The following NUTF2 variants were observed in gnomAD, a reference collection of about 807,000 sequenced individuals.
NUTF2 encodes the protein placental protein 15.
Under a neutral mutation model 18.5 loss-of-function variants are expected in NUTF2, and 3 were observed. The observed-to-expected ratio is 0.16, with a 90% CI of 0.07 to 0.42. The LOEUF (loss-of-function observed/expected upper bound fraction) is 0.42, where lower values mean the gene tolerates loss of function less well. Ranked by LOEUF, NUTF2 falls within the 10% of genes least tolerant of loss-of-function variation. The pLI, the probability that NUTF2 is intolerant of heterozygous loss-of-function variation, is 0.99. For missense variants in NUTF2, 44 were observed against 160.7 expected, an observed-to-expected ratio of 0.27 and a Z score of 3.93; for synonymous variants, 51 against 57.9, an observed-to-expected ratio of 0.88 and a Z score of 0.54.
intron 1 of NUTF2, among the ~76,000 whole-genome samples, chr16:67,854,382 C>A (rs180771501): frequency 1.3e-5 from 2 of 152,334 alleles, no homozygotes; most frequent in African/African-American, 2.4e-5. Flanking sequence ...GGCATCTTCC[C>A]AGGCACCAGA....
chr16:67,855,893 G>C (rs563956352), intron 1 of NUTF2: 99 of 447,480 alleles, frequency 2.2e-4, no homozygotes, highest in Middle Eastern at 7.1e-4. Context: ...TTGGCGGGGG[G>C]GGGGGATGGG....
intron 1 of NUTF2, among the ~76,000 whole-genome samples, chr16:67,857,670 G>C (rs188421488): frequency 6.6e-6 from 1 of 152,316 alleles, no homozygotes; most frequent in Admixed American, 6.5e-5. Flanking sequence ...GAGTCAAAGG[G>C]TCAAATAACA....
chr16:67,859,794 C>A lies in NUTF2; in HGVS notation c.-29-5308C>A, dbSNP rs1435744885. Among the ~76,000 whole-genome samples the A allele has an allele frequency of 4.2e-5, 5 of 120,028 alleles. No individual in the cohort carries two copies. The South Asian group carries it at 1.1e-3, about 26-fold the overall frequency. The allele number at this position is 120,028 out of a possible 152,430, so 78.7% of individuals were successfully genotyped here. The stretch of plus-strand genomic sequence containing the variant: ...TACAGGCGTGAGCCACTGCGCCAGG[C>A]CTTTTTTTTTTTTTTTTTTTTTTTT... On this transcript the variant is annotated intron_variant, in intron 1 of 4. Coordinates refer to ENST00000219169, the MANE Select transcript of NUTF2 (RefSeq NM_005796.3).
chr16:67,855,260 T>C (rs933019221), intron 1 of NUTF2, among the ~76,000 whole-genome samples: 4 of 152,210 alleles, frequency 2.6e-5, no homozygotes, highest in Non-Finnish European at 1.5e-5. Context: ...AGCTGGAGTG[T>C]GCCCTCCTGG....
chr16:67,849,935 G>A (rs551476475), intron 1 of NUTF2, among the ~76,000 whole-genome samples: 8 of 152,136 alleles, frequency 5.3e-5, no homozygotes, highest in Non-Finnish European at 1.2e-4. Flanking sequence ...CGGGATTCCA[G>A]GCGTGAGCCA....
chr16:67,868,167 G>A (rs2271293), intron 2 of NUTF2, among the ~76,000 whole-genome samples, 173 bp from the exon 3 acceptor site: 16,923 of 152,150 alleles, frequency 0.11, 1,069 homozygotes, highest in South Asian at 0.18. Flanking sequence ...CAATGGGGTA[G>A]AAGATGTTGA....
In NUTF2 at chr16:67,864,449, C is replaced by A. The variant is rs570044031; in HGVS notation, c.-29-653C>A. Among the ~76,000 whole-genome samples the A allele has an allele frequency of 2.1e-5, 3 of 144,438 alleles. No individual in the cohort carries two copies. The East Asian group carries it at 6.1e-4, about 29-fold the overall frequency. 94.8% of individuals were successfully genotyped at this position (144,438 alleles called of 152,430 possible). A position where few individuals can be genotyped will look rare whatever the true frequency, so the allele number is the denominator to read the frequency against. On this transcript the variant is annotated intron_variant, in intron 1 of 4. Coordinates refer to ENST00000219169, the MANE Select transcript of NUTF2 (RefSeq NM_005796.3). The stretch of plus-strand genomic sequence containing the variant: ...ACTTGAGCCCAGGGAGCGGAGGTTG[C>A]AGTGAGCCAAGATCACGCCATTGCA...
intron 2 of NUTF2, 91 bp from the exon 3 acceptor site, chr16:67,868,249 C>G: frequency 1.7e-6 from 2 of 1,183,456 alleles, no homozygotes; most frequent in Non-Finnish European, 2.4e-6. Context: ...CCACACTTCT[C>G]CAAGCAAGGC....
At chr16:67,854,990 A>T (rs541788615) in intron 1 of NUTF2, among the ~76,000 whole-genome samples, 17 of 151,310 alleles carry the variant, frequency 1.1e-4, no homozygotes, top group African/African-American at 3.6e-4. Context: ...GTTGAGCCGA[A>T]CCTTGTGCTG....
chr16:67,862,879 C>T (rs1351284577), intron 1 of NUTF2, among the ~76,000 whole-genome samples: 2 of 152,120 alleles, frequency 1.3e-5, no homozygotes, highest in Non-Finnish European at 2.9e-5. Context: ...GTTGGCATAC[C>T]CTTTCTGAGG....
chr16:67,859,222 C>G (rs2057918138), intron 1 of NUTF2, among the ~76,000 whole-genome samples: 1 of 152,090 alleles, frequency 6.6e-6, no homozygotes, highest in African/African-American at 2.4e-5. Context: ...CTCTGTTGCC[C>G]AGGCTGGAGT....
rs375217259 is a variant in NUTF2, at chr16:67,870,795, C to T, written c.271-5C>T. On this transcript the variant is annotated splice_polypyrimidine_tract_variant and splice_region_variant and intron_variant, in intron 4 of 4. Coordinates refer to ENST00000219169, the MANE Select transcript of NUTF2 (RefSeq NM_005796.3). Reference sequence around the variant, plus strand: ...CTTACTGAATCCTCTTTTCTCTCCTCATAGGCGGATGAAGACCCCATCATG... The same window carrying T: ...CTTACTGAATCCTCTTTTCTCTCCTTATAGGCGGATGAAGACCCCATCATG... 1.9e-6 allele frequency: 3 copies of T among 1,606,736 alleles called. No homozygotes were observed. The highest frequency in any genetic ancestry group is 1.3e-5 in the African/African-American group (1 of 74,872).
intron 2 of NUTF2, 31 bp from the exon 3 acceptor site, chr16:67,868,309 C>T: frequency 6.2e-7 from 1 of 1,609,024 alleles, no homozygotes; most frequent in South Asian, 1.1e-5. Context: ...CTCTGAGGCC[C>T]CAACCCTGGG....
intron 1 of NUTF2, among the ~76,000 whole-genome samples, chr16:67,853,629 C>A (rs13331205): frequency 0.14 from 20,897 of 151,962 alleles, 2,942 homozygotes; most frequent in African/African-American, 0.36. Flanking sequence ...TGCTGGGATT[C>A]CAGGCATGAG....
chr16:67,849,802 G>A (rs1167114464), intron 1 of NUTF2, among the ~76,000 whole-genome samples: 1 of 152,062 alleles, frequency 6.6e-6, no homozygotes, highest in South Asian at 2.1e-4. Context: ...GGGACTACAG[G>A]CGCCCACCAC....
chr16:67,850,353 C>G (rs1442653251), intron 1 of NUTF2, among the ~76,000 whole-genome samples: 2 of 151,486 alleles, frequency 1.3e-5, no homozygotes, highest in South Asian at 4.2e-4. Context: ...TATAGGCACC[C>G]GCCACCACGC....
intron 1 of NUTF2, among the ~76,000 whole-genome samples, chr16:67,848,320 C>T (rs1375496829): frequency 6.6e-6 from 1 of 152,176 alleles, no homozygotes; most frequent in Non-Finnish European, 1.5e-5. Context: ...CGGTGGCTCA[C>T]GCCTGCAATC....
intron 4 of NUTF2, chr16:67,870,549 AATT>A (rs1463390768): frequency 1.2e-5 from 6 of 484,104 alleles, no homozygotes; most frequent in Non-Finnish European, 2.2e-5. Context: ...GCTAAGGGTG[AATT>A]ATTGTGCAGT....
At chr16:67,857,078 G>A (rs1262833257) in intron 1 of NUTF2, among the ~76,000 whole-genome samples, 2 of 152,318 alleles carry the variant, frequency 1.3e-5, no homozygotes, top group South Asian at 2.1e-4. Context: ...TCACAACAGT[G>A]TTGGCCAGGC....
Sources: allele counts gnomAD v4.1 joint callset (sites outside exome capture counted in the v4.1 genomes callset), GRCh38; gene constraint gnomAD v4.1.1; transcripts MANE v1.5; gene names NCBI Gene and HGNC (gene_info 2026-07-23, HGNC 2026-07-21).